The following THSD7A variants were observed in gnomAD, a reference collection of about 807,000 sequenced individuals.
THSD7A encodes the protein thrombospondin type-1 domain-containing protein 7A.
THSD7A carries 96 observed loss-of-function variants against 231.3 expected under a neutral mutation model. The ratio of observed to expected loss-of-function variants is 0.41; its 90% CI spans 0.35 to 0.49. THSD7A has a LOEUF of 0.49. THSD7A is among the 20% of genes least tolerant of loss of function. The probability of loss-of-function intolerance (pLI) is 0.05; values close to 1 mark genes in which losing one functional copy is unlikely to be tolerated. For synonymous variants in THSD7A, 940 were observed against 743.3 expected, an observed-to-expected ratio of 1.26 and a Z score of -4.30; for missense variants, 2,290 against 2,070.2, an observed-to-expected ratio of 1.11 and a Z score of -2.06.
intron 19 of THSD7A, among the ~76,000 whole-genome samples, chr7:11,410,170 G>T (rs1783731295): frequency 6.6e-6 from 1 of 152,208 alleles, no homozygotes; most frequent in Non-Finnish European, 1.5e-5. Context: ...AACGTTACAA[G>T]GTTATTGCAG....
At chr7:11,491,051 G>A (rs886271709) in intron 6 of THSD7A, among the ~76,000 whole-genome samples, 1 of 152,014 alleles carries the variant, frequency 6.6e-6, no homozygotes, top group Non-Finnish European at 1.5e-5. Flanking sequence ...CAATTCACTT[G>A]ATTTGATGTA....
chr7:11,544,951 C>G (rs1288482990), intron 4 of THSD7A, among the ~76,000 whole-genome samples: 2 of 151,916 alleles, frequency 1.3e-5, no homozygotes, highest in South Asian at 4.1e-4. Flanking sequence ...GCAGCCGAAG[C>G]CAAAAATGAT....
intron 4 of THSD7A, among the ~76,000 whole-genome samples, chr7:11,577,783 T>A (rs1047439282): frequency 2.6e-4 from 39 of 151,964 alleles, no homozygotes; most frequent in Non-Finnish European, 5.9e-5. Flanking sequence ...GTTTGAGCAA[T>A]GGTGAAAGTG....
chr7:11,758,033 ATATAT>A (rs1782740660), intron 1 of THSD7A, among the ~76,000 whole-genome samples: 1 of 136,510 alleles, frequency 7.3e-6, no homozygotes, highest in Non-Finnish European at 1.6e-5. Flanking sequence ...ATATATATAT[ATATAT>A]AATGTTTCAC....
Position 11,411,138 on chromosome 7 carries a change from T to G in THSD7A, c.3798+69A>C. ...TGAGCTGCATGGAGCACGGGTCACT[T>G]GGCTCAGCATGAATTGAAATTATTA... On this transcript the variant is annotated intron_variant, in intron 19 of 27. Coordinates refer to ENST00000423059, the MANE Select transcript of THSD7A (RefSeq NM_015204.3). This position sits in a 1 kb window ranked among gnomAD's most constrained non-coding sequence, Gnocchi z 4.1. The G allele has an allele frequency of 8.2e-7, 1 of 1,216,628 alleles. No individual in the cohort carries two copies. Among genetic ancestry groups the G allele is most frequent in the South Asian group, 1.3e-5 (1 of 74,098 alleles). The allele number at this position is 1,216,628 out of a possible 1,614,324, so 75.4% of individuals were successfully genotyped here.
At chr7:11,630,614 A>C (rs1167269338) in intron 2 of THSD7A, among the ~76,000 whole-genome samples, 1 of 152,128 alleles carries the variant, frequency 6.6e-6, no homozygotes. Context: ...AAAATCCTAA[A>C]TCTGTCTTAT....
chr7:11,593,628 C>T (rs975659262), intron 2 of THSD7A, 126 bp from the exon 3 acceptor site: 14 of 1,122,034 alleles, frequency 1.2e-5, no homozygotes, highest in African/African-American at 1.1e-4. Context: ...CCAGTTTCAT[C>T]GAAAATACAT....
At chr7:11,617,688 T>C (rs1015095463) in intron 2 of THSD7A, among the ~76,000 whole-genome samples, 1 of 152,194 alleles carries the variant, frequency 6.6e-6, no homozygotes, top group Non-Finnish European at 1.5e-5. Context: ...TTATTAGATG[T>C]TAATATTAGA....
chr7:11,831,972 A>G lies in THSD7A; in HGVS notation c.-26T>C. 1.6e-6 allele frequency: 2 copies of G among 1,221,894 alleles called. No homozygotes were observed. Among genetic ancestry groups the G allele is most frequent in the South Asian group, 8.2e-5 (2 of 24,312 alleles). 75.7% of individuals were successfully genotyped at this position (1,221,894 alleles called of 1,614,324 possible). A position where few individuals can be genotyped will look rare whatever the true frequency, so the allele number is the denominator to read the frequency against. On this transcript the variant is annotated 5_prime_UTR_variant, in exon 1 of 28. Transcript: ENST00000423059. This position sits in a 1 kb window ranked among gnomAD's most constrained non-coding sequence, Gnocchi z 5.0. ...GCCGCCTGCAGCCACTCCAGGGTCC[A>G]GAGCCGTAGCACGCTCGGCAGGGAA...
At chr7:11,697,361 T>C (rs188301153) in intron 1 of THSD7A, among the ~76,000 whole-genome samples, 2 of 151,456 alleles carry the variant, frequency 1.3e-5, no homozygotes. Flanking sequence ...ACAATTCTTA[T>C]TTATTTTTAA....
At chr7:11,769,134 T>C in intron 1 of THSD7A, among the ~76,000 whole-genome samples, 1 of 45,962 alleles carries the variant, frequency 2.2e-5, no homozygotes, top group Non-Finnish European at 4.8e-5. Context: ...TATATATATA[T>C]ATATATATAT....
chr7:11,559,459 T>C (rs1341896198), intron 4 of THSD7A, among the ~76,000 whole-genome samples: 1 of 151,880 alleles, frequency 6.6e-6, no homozygotes, highest in East Asian at 1.9e-4. Context: ...ACAAACTATA[T>C]TCATTTGCAA....
intron 13 of THSD7A, among the ~76,000 whole-genome samples, chr7:11,429,339 C>A (rs909644611): frequency 4.6e-5 from 7 of 152,168 alleles, no homozygotes; most frequent in Admixed American, 3.9e-4. Flanking sequence ...GAGCAGCTGC[C>A]ATGTGATCTG....
chr7:11,398,958 G>C (rs891585045), intron 23 of THSD7A, among the ~76,000 whole-genome samples: 1 of 152,162 alleles, frequency 6.6e-6, no homozygotes, highest in African/African-American at 2.4e-5. Flanking sequence ...CTCACATCCC[G>C]TTGTTTACTA....
At chr7:11,475,217 T>C (rs1474994839) in intron 7 of THSD7A, among the ~76,000 whole-genome samples, 1 of 152,160 alleles carries the variant, frequency 6.6e-6, no homozygotes, top group Non-Finnish European at 1.5e-5. Context: ...CTATAAATTA[T>C]ACTTTTAAGG....
intron 1 of THSD7A, chr7:11,820,208 G>A (rs1784829927): frequency 5.7e-6 from 2 of 348,066 alleles, no homozygotes; most frequent in East Asian, 4.3e-5. Context: ...GGTGAGGGGT[G>A]GGGGTAGGAT....
intron 4 of THSD7A, among the ~76,000 whole-genome samples, chr7:11,562,142 G>C (rs904479907): frequency 1.3e-5 from 2 of 152,084 alleles, no homozygotes; most frequent in Non-Finnish European, 2.9e-5. Context: ...TGAATCCCCA[G>C]TATTTTACTT....
At chr7:11,403,251 C>A (rs1200406830) in intron 22 of THSD7A, among the ~76,000 whole-genome samples, 3 of 152,058 alleles carry the variant, frequency 2.0e-5, no homozygotes, top group Non-Finnish European at 4.4e-5. Context: ...GCCTGGAGAT[C>A]TGATTAATGG....
chr7:11,623,889 C>T (rs1403915005), intron 2 of THSD7A, among the ~76,000 whole-genome samples: 1 of 152,006 alleles, frequency 6.6e-6, no homozygotes, highest in African/African-American at 2.4e-5. Context: ...CTATTGAGGA[C>T]GTGGGACTCC....
Sources: gnomAD v4.1 joint callset for allele counts (sites outside exome capture counted in the v4.1 genomes callset) on GRCh38, gnomAD v4.1.1 for gene constraint, Gnocchi (gnomAD v3.1) non-coding constraint, MANE v1.5 for transcripts, NCBI Gene and HGNC (gene_info 2026-07-23, HGNC 2026-07-21) for gene names.